Variants in PDGFRA observed in about 807,000 individuals in gnomAD.
The protein encoded by PDGFRA is platelet derived growth factor receptor alpha.
In PDGFRA, 25 loss-of-function variants were observed where a neutral mutation model predicts 121.5. The observed-to-expected ratio is 0.21, with a 90% CI of 0.15 to 0.29. The LOEUF is 0.29. Ranked by LOEUF, PDGFRA falls within the 10% of genes least tolerant of loss-of-function variation. PDGFRA has a pLI of 1.00. For missense variants in PDGFRA, 1,008 were observed against 1,345.1 expected (o/e 0.75, Z 3.92); for synonymous variants, 463 against 494.8 (o/e 0.94, Z 0.85).
chr4:54,273,607 C>T lies in PDGFRA; in HGVS notation c.1435C>T (p.Arg479Ter), dbSNP rs771567933. Residue 479 changes from arginine (R) to a stop codon, truncating the protein, a stop_gained, in exon 10 of 23, where the codon CGA (arginine) becomes TGA (stop). Coordinates refer to ENST00000257290, the MANE Select transcript of PDGFRA (RefSeq NM_006206.6). LOFTEE classifies it high-confidence loss of function. ...VSNIITEIHS[R>*]DRSTVEGRVT... ...AAACATCATCACGGAGATCCACTCC[C>T]GAGACAGGAGTACCGTGGAGGGCCG... The T allele has an allele frequency of 1.2e-6, 2 of 1,613,864 alleles. No homozygotes were observed. The highest frequency in any genetic ancestry group is 1.7e-6 in the Non-Finnish European group (2 of 1,179,894).
intron 5 of PDGFRA, 96 bp from the exon 6 acceptor site, chr4:54,267,193 G>T: frequency 8.5e-7 from 1 of 1,182,448 alleles, no homozygotes; most frequent in South Asian, 1.2e-5. Flanking sequence ...AACCTCCATT[G>T]ACACATCCAT....
At chr4:54,274,768 G>C (rs1723621478) in intron 11 of PDGFRA, 73 bp from the exon 12 acceptor site, 1 of 1,562,508 alleles carries the variant, frequency 6.4e-7, no homozygotes, top group Admixed American at 1.7e-5. Flanking sequence ...TCCAGTCACT[G>C]TGCTGCTTCA....
chr4:54,282,084 A>G (rs1207150442), intron 16 of PDGFRA: 1 of 553,002 alleles, frequency 1.8e-6, no homozygotes, highest in Non-Finnish European at 2.3e-6. Context: ...TGATTTGCTA[A>G]TTATGGTTGA....
chr4:54,255,487 C>T (rs548893798), intron 1 of PDGFRA, among the ~76,000 whole-genome samples: 5 of 151,710 alleles, frequency 3.3e-5, no homozygotes, highest in East Asian at 3.9e-4. Flanking sequence ...TACAAGAAAA[C>T]GCTGAATTTC....
chr4:54,250,252 CT>C (rs1176346730), intron 1 of PDGFRA, among the ~76,000 whole-genome samples: 1 of 152,166 alleles, frequency 6.6e-6, no homozygotes, highest in Non-Finnish European at 1.5e-5. Context: ...TAAATAAATG[CT>C]TTATGGTGAC....
intron 7 of PDGFRA, among the ~76,000 whole-genome samples, chr4:54,268,464 C>T (rs778264204): frequency 2.8e-4 from 43 of 152,190 alleles, no homozygotes; most frequent in Non-Finnish European, 5.0e-4. Context: ...TCAGAAGATA[C>T]ATCTCACAGC....
At chr4:54,253,707 T>C (rs1260066881) in intron 1 of PDGFRA, among the ~76,000 whole-genome samples, 1 of 152,154 alleles carries the variant, frequency 6.6e-6, no homozygotes, top group Non-Finnish European at 1.5e-5. Flanking sequence ...CTTTTTTAGA[T>C]GGAGCCTTGC....
chr4:54,280,427 C>T lies in PDGFRA; in HGVS notation c.2268C>T (p.Asp756=), dbSNP rs1248903023. Residue 756 remains aspartate (D), a synonymous_variant, in exon 16 of 23, where the codon GAC becomes GAT. Coordinates refer to ENST00000257290, the MANE Select transcript of PDGFRA (RefSeq NM_006206.6). Reference sequence around the variant, plus strand: ...GGAAAGAGGTTTCTAAATATTCCGACATCCAGAGATCACTCTATGATCGTC... The same window carrying T: ...GGAAAGAGGTTTCTAAATATTCCGATATCCAGAGATCACTCTATGATCGTC... ...LERKEVSKYS[D]IQRSLYDRPA... is the part of the protein sequence containing the mutation. The T allele has an allele frequency of 1.2e-6, 2 of 1,613,716 alleles. No individual in the cohort carries two copies. Among genetic ancestry groups the T allele is most frequent in the South Asian group, 2.2e-5 (2 of 91,066 alleles).
intron 2 of PDGFRA, among the ~76,000 whole-genome samples, chr4:54,259,266 G>A (rs1722552505): frequency 6.6e-6 from 1 of 152,070 alleles, no homozygotes; most frequent in South Asian, 2.1e-4. Context: ...CTGTGATTAT[G>A]CCTGTGACTA....
chr4:54,254,090 T>C (rs1388606872), intron 1 of PDGFRA, among the ~76,000 whole-genome samples: 1 of 152,162 alleles, frequency 6.6e-6, no homozygotes, highest in East Asian at 1.9e-4. Context: ...GCATTACTAA[T>C]TAAGAATGAG....
chr4:54,296,734 A>G lies in PDGFRA; in HGVS notation c.*1462A>G, dbSNP rs1724900666. 2 of 232,816 alleles carry G rather than the reference A, an allele frequency of 8.6e-6. No homozygotes were observed. Among genetic ancestry groups the G allele is most frequent in the South Asian group, 3.6e-4 (2 of 5,532 alleles). 14.4% of individuals were successfully genotyped at this position (232,816 alleles called of 1,614,324 possible). A position where few individuals can be genotyped will look rare whatever the true frequency, so the allele number is the denominator to read the frequency against. On this transcript the variant is annotated 3_prime_UTR_variant, in exon 23 of 23. Coordinates refer to ENST00000257290, the MANE Select transcript of PDGFRA (RefSeq NM_006206.6). ...TTTCGGAAACACTGACTTAGGTTTCAGGAAGTTGCCATGGGAAACAAATAA... is the reference window on the plus strand; with the variant it reads ...TTTCGGAAACACTGACTTAGGTTTCGGGAAGTTGCCATGGGAAACAAATAA...
At chr4:54,281,711 G>C (rs1239736104) in intron 16 of PDGFRA, 4 of 1,358,176 alleles carry the variant, frequency 2.9e-6, no homozygotes, top group Non-Finnish European at 3.9e-6. Flanking sequence ...AATGGCTAGA[G>C]CTACTCTTCA....
chr4:54,259,746 T>A (rs559108987), intron 2 of PDGFRA, among the ~76,000 whole-genome samples: 1 of 152,340 alleles, frequency 6.6e-6, no homozygotes, highest in African/African-American at 2.4e-5. Flanking sequence ...GTGATCCAGA[T>A]GTACTTACAA....
chr4:54,262,664 T>A (rs990933522), intron 3 of PDGFRA, among the ~76,000 whole-genome samples: 6 of 152,086 alleles, frequency 3.9e-5, no homozygotes, highest in Non-Finnish European at 5.9e-5. Context: ...ATATGAACCT[T>A]CCTTCTTAAC....
At chr4:54,249,645 G>A (rs970004729) in intron 1 of PDGFRA, among the ~76,000 whole-genome samples, 2 of 151,962 alleles carry the variant, frequency 1.3e-5, no homozygotes, top group Admixed American at 6.6e-5. Flanking sequence ...TGGGGTGGGG[G>A]TAGTGGGGAG....
chr4:54,265,373 A>T, intron 5 of PDGFRA: 1 of 334,488 alleles, frequency 3.0e-6, no homozygotes, highest in South Asian at 2.7e-5. Flanking sequence ...CAAAAAAACC[A>T]CTGGATTTTA....
chr4:54,268,213 G>A (rs1435292006), intron 7 of PDGFRA, among the ~76,000 whole-genome samples: 2 of 152,206 alleles, frequency 1.3e-5, no homozygotes, highest in African/African-American at 4.8e-5. Context: ...GAAGAGTAGA[G>A]CCTGGCTAAT....
At chr4:54,274,391 C>T (rs1248627309) in intron 10 of PDGFRA, 140 bp from the exon 11 acceptor site, 1 of 712,420 alleles carries the variant, frequency 1.4e-6, no homozygotes, top group Non-Finnish European at 2.5e-6. Context: ...ACTGCCTATC[C>T]CTAAAATGAA....
At chr4:54,287,213 T>C (rs1334077795) in intron 18 of PDGFRA, among the ~76,000 whole-genome samples, 2 of 152,238 alleles carry the variant, frequency 1.3e-5, no homozygotes, top group Non-Finnish European at 2.9e-5. Context: ...AAAGGCAATA[T>C]TGACCATTCA....
Sources: allele counts gnomAD v4.1 joint callset (sites outside exome capture counted in the v4.1 genomes callset), GRCh38; gene constraint gnomAD v4.1.1; transcripts MANE v1.5; gene names NCBI Gene and HGNC (gene_info 2026-07-23, HGNC 2026-07-21).